The following CFAP299 variants were observed in gnomAD, a reference collection of about 807,000 sequenced individuals.
CFAP299 encodes cilia- and flagella-associated protein 299.
A neutral mutation model predicts 27.0 loss-of-function variants in CFAP299; 21 were observed. The ratio of observed to expected loss-of-function variants is 0.78; its 90% CI spans 0.55 to 1.12. The LOEUF is 1.12. Among genes scored for constraint, CFAP299 ranks in the 50% most tolerant of loss-of-function variants. The probability of loss-of-function intolerance (pLI) is 0.00; values close to 1 mark genes in which losing one functional copy is unlikely to be tolerated. For synonymous variants in CFAP299, 104 were observed against 98.1 expected (o/e 1.06, Z -0.36); for missense variants, 310 against 276.6 (o/e 1.12, Z -0.86).
At chr4:80,357,697 C>G (rs1723341858) in intron 1 of CFAP299, among the ~76,000 whole-genome samples, 1 of 151,896 alleles carries the variant, frequency 6.6e-6, no homozygotes, top group South Asian at 2.1e-4. Context: ...CCTGTTGTTT[C>G]TGATTGTGTT....
chr4:80,769,627 C>T (rs1353218507), intron 3 of CFAP299, among the ~76,000 whole-genome samples: 2 of 152,192 alleles, frequency 1.3e-5, no homozygotes, highest in African/African-American at 4.8e-5. Flanking sequence ...CCTCTGCACA[C>T]AAGCAATCCT....
At chr4:80,748,836 G>A (rs1724762901) in intron 3 of CFAP299, among the ~76,000 whole-genome samples, 1 of 152,146 alleles carries the variant, frequency 6.6e-6, no homozygotes, top group Non-Finnish European at 1.5e-5. Context: ...TTGCCCACGT[G>A]TTCAGCCTGT....
At chr4:80,496,096 A>T (rs951636652) in intron 2 of CFAP299, among the ~76,000 whole-genome samples, 1 of 152,142 alleles carries the variant, frequency 6.6e-6, no homozygotes, top group African/African-American at 2.4e-5. Flanking sequence ...TTTTTTAGTT[A>T]TGCAAATTTC....
At chr4:80,843,012 A>G (rs1204370080) in intron 3 of CFAP299, among the ~76,000 whole-genome samples, 1 of 151,932 alleles carries the variant, frequency 6.6e-6, no homozygotes, top group Non-Finnish European at 1.5e-5. Flanking sequence ...GGTTGGGGCA[A>G]CATCTTTTCA....
chr4:80,682,816 T>C (rs536387423), intron 3 of CFAP299, among the ~76,000 whole-genome samples: 94 of 152,254 alleles, frequency 6.2e-4, no homozygotes, highest in Non-Finnish European at 4.6e-4. Flanking sequence ...GTTTCTGTCA[T>C]CCCACATATT....
chr4:80,685,871 G>T (rs1720157326), intron 3 of CFAP299, among the ~76,000 whole-genome samples: 1 of 152,124 alleles, frequency 6.6e-6, no homozygotes, highest in South Asian at 2.1e-4. Context: ...ACTGGGAAAG[G>T]CCAAATTAGG....
At chr4:80,669,815 A>T (rs1741371561) in intron 3 of CFAP299, among the ~76,000 whole-genome samples, 1 of 151,824 alleles carries the variant, frequency 6.6e-6, no homozygotes, top group Non-Finnish European at 1.5e-5. Flanking sequence ...CAGTACAATG[A>T]TAGCTGTGGG....
intron 3 of CFAP299, among the ~76,000 whole-genome samples, chr4:80,867,162 G>T (rs1407367435): frequency 6.6e-6 from 1 of 152,020 alleles, no homozygotes; most frequent in Non-Finnish European, 1.5e-5. Context: ...GTTCACTCAA[G>T]TTTTGAATTG....
chr4:80,342,598 C>A (rs773930901), intron 1 of CFAP299, among the ~76,000 whole-genome samples: 14 of 152,112 alleles, frequency 9.2e-5, no homozygotes, highest in Non-Finnish European at 1.8e-4. Flanking sequence ...GAAATAAGAT[C>A]CTTTTCAGAC....
At chr4:80,735,994 TG>T (rs1723840535) in intron 3 of CFAP299, among the ~76,000 whole-genome samples, 1 of 152,146 alleles carries the variant, frequency 6.6e-6, no homozygotes, top group Non-Finnish European at 1.5e-5. Flanking sequence ...TTCAGAAGTT[TG>T]AGTAAGAATG....
intron 3 of CFAP299, among the ~76,000 whole-genome samples, chr4:80,634,672 AT>A (rs965126648): frequency 2.6e-5 from 4 of 152,150 alleles, no homozygotes; most frequent in Non-Finnish European, 5.9e-5. Context: ...CATAACACAC[AT>A]TTTTTTGATG....
chr4:80,838,021 G>C (rs992113127), intron 3 of CFAP299, among the ~76,000 whole-genome samples: 1 of 152,132 alleles, frequency 6.6e-6, no homozygotes, highest in Non-Finnish European at 1.5e-5. Context: ...CTAATGACCA[G>C]TGATGATTAG....
chr4:80,719,660 A>T (rs1722704651), intron 3 of CFAP299, among the ~76,000 whole-genome samples: 1 of 152,218 alleles, frequency 6.6e-6, no homozygotes, highest in South Asian at 2.1e-4. Context: ...CTAGGCTGCC[A>T]TCACTCGGCT....
At chr4:80,643,329 G>C (rs1237337759) in intron 3 of CFAP299, among the ~76,000 whole-genome samples, 1 of 151,950 alleles carries the variant, frequency 6.6e-6, no homozygotes, top group Non-Finnish European at 1.5e-5. Context: ...GATTGGAGTG[G>C]GATCAAGAAA....
chr4:80,829,987 A>T (rs1730209340), intron 3 of CFAP299, among the ~76,000 whole-genome samples: 1 of 152,078 alleles, frequency 6.6e-6, no homozygotes, highest in Non-Finnish European at 1.5e-5. Flanking sequence ...GATGAAAATA[A>T]CTGTAGAGAT....
intron 2 of CFAP299, among the ~76,000 whole-genome samples, chr4:80,431,562 T>A (rs1727819181): frequency 6.6e-6 from 1 of 151,782 alleles, no homozygotes; most frequent in African/African-American, 2.4e-5. Context: ...TTCTCCTTCT[T>A]CTCCTTTTAT....
At chr4:80,361,909 A>G (rs1219625966) in intron 1 of CFAP299, among the ~76,000 whole-genome samples, 2 of 152,174 alleles carry the variant, frequency 1.3e-5, no homozygotes, top group Non-Finnish European at 2.9e-5. Flanking sequence ...TGTTTTAGAT[A>G]TTTTATTTTT....
rs72863163 is a variant in CFAP299 at position 80,608,463 on chromosome 4, A to C, written c.333+25280A>C. ...TCATCCTACATATATACTCCACTCC[A>C]AGGGCTATTGCTACTGTTTTCCGAA... On this transcript the variant is annotated intron_variant, in intron 3 of 5. Transcript: ENST00000358105. The C allele has an allele frequency of 7.8e-3, 5,908 of 762,072 alleles. 208 individuals carry two copies. The African/African-American group carries it at 0.088, about 11-fold the overall frequency. The allele number at this position is 762,072 out of a possible 1,614,324, so 47.2% of individuals were successfully genotyped here. A position where few individuals can be genotyped will look rare whatever the true frequency, so the allele number is the denominator to read the frequency against.
intron 3 of CFAP299, among the ~76,000 whole-genome samples, chr4:80,624,097 A>G (rs970035252): frequency 6.6e-6 from 1 of 152,168 alleles, no homozygotes; most frequent in Non-Finnish European, 1.5e-5. Flanking sequence ...TACAAATATC[A>G]AGAACAATCA....
Sources: gnomAD v4.1 joint callset for allele counts (sites outside exome capture counted in the v4.1 genomes callset) on GRCh38, gnomAD v4.1.1 for gene constraint, MANE v1.5 for transcripts, NCBI Gene and HGNC (gene_info 2026-07-23, HGNC 2026-07-21) for gene names.